Variants in SCYL2 observed in about 807,000 individuals in gnomAD.
SCYL2 encodes SCY1-like protein 2.
In SCYL2, 36 loss-of-function variants were observed where a neutral mutation model predicts 100.4. The ratio of observed to expected loss-of-function variants is 0.36; its 90% CI spans 0.27 to 0.47. The LOEUF is 0.47. SCYL2 is among the 20% of genes least tolerant of loss of function. SCYL2 has a pLI of 1.00. For missense variants in SCYL2, 902 were observed against 1,083.9 expected (o/e 0.83, Z 2.36); for synonymous variants, 330 against 359.2 (o/e 0.92, Z 0.92).
rs186411139 is a variant in SCYL2, at chr12:100,301,781, C to T, written c.480+3606C>T. Among the ~76,000 whole-genome samples the T allele has an allele frequency of 5.9e-5, 9 of 152,348 alleles. No individual in the cohort carries two copies. In the East Asian group the frequency reaches 1.7e-3, roughly 29 times the overall value. On this transcript the variant is annotated intron_variant, in intron 4 of 17. Transcript: ENST00000360820. ...CTTCCCTGCTATGGCCAAGCTGGTA[C>T]CTAAGGTGCAAGACAAAGTTCCCTT...
intron 11 of SCYL2, among the ~76,000 whole-genome samples, chr12:100,325,093 G>A (rs2096360229): frequency 6.6e-6 from 1 of 152,044 alleles, no homozygotes; most frequent in Non-Finnish European, 1.5e-5. Flanking sequence ...GCTGGATGTG[G>A]TGGCATGGTG....
chr12:100,305,147 A>G (rs1316926855), intron 4 of SCYL2, among the ~76,000 whole-genome samples: 3 of 152,242 alleles, frequency 2.0e-5, no homozygotes, highest in Non-Finnish European at 4.4e-5. Context: ...CTCTGGACTA[A>G]GTGGCCCAAA....
chr12:100,332,572 A>G (rs926792507), intron 13 of SCYL2, among the ~76,000 whole-genome samples: 2 of 152,238 alleles, frequency 1.3e-5, no homozygotes, highest in Non-Finnish European at 2.9e-5. Flanking sequence ...ATCCATTTAT[A>G]TAAAGTACAA....
intron 14 of SCYL2, among the ~76,000 whole-genome samples, chr12:100,334,661 C>G (rs907655521): frequency 2.0e-5 from 3 of 151,822 alleles, no homozygotes; most frequent in Admixed American, 6.6e-5. Context: ...TCTCTCTTCT[C>G]CAGCCCCACA....
chr12:100,290,577 G>A (rs1327385077), intron 2 of SCYL2, among the ~76,000 whole-genome samples: 1 of 152,028 alleles, frequency 6.6e-6, no homozygotes, highest in East Asian at 1.9e-4. Context: ...ATAATTAGAA[G>A]AGAAAAAAAT....
chr12:100,333,790 A>G (rs1170295534), intron 13 of SCYL2: 2 of 154,752 alleles, frequency 1.3e-5, no homozygotes, highest in African/African-American at 4.8e-5. Context: ...GATTATTTCT[A>G]GAAGGCACAA....
intron 10 of SCYL2, among the ~76,000 whole-genome samples, chr12:100,322,614 G>A (rs1473159173): frequency 6.6e-6 from 1 of 151,842 alleles, no homozygotes; most frequent in African/African-American, 2.4e-5. Flanking sequence ...AAAATTAGCT[G>A]GGCATGGGCC....
intron 10 of SCYL2, among the ~76,000 whole-genome samples, chr12:100,318,337 T>TTC (rs1233638516): frequency 6.7e-6 from 1 of 148,744 alleles, no homozygotes; most frequent in African/African-American, 2.5e-5. Flanking sequence ...TTCTTTTTTT[T>TTC]TTTTTTTTTT....
At chr12:100,316,153 C>A (rs1373536740) in intron 9 of SCYL2, among the ~76,000 whole-genome samples, 2 of 152,186 alleles carry the variant, frequency 1.3e-5, no homozygotes, top group African/African-American at 2.4e-5. Flanking sequence ...CCAGTTGTTT[C>A]TCTCCATTTT....
intron 3 of SCYL2, among the ~76,000 whole-genome samples, chr12:100,292,343 A>C (rs1433877245): frequency 6.6e-6 from 1 of 152,148 alleles, no homozygotes; most frequent in Non-Finnish European, 1.5e-5. Context: ...AATCTTAATC[A>C]GATCATTTGG....
chr12:100,299,626 ATTCTTT>A (rs2096325202), intron 4 of SCYL2, among the ~76,000 whole-genome samples: 1 of 151,686 alleles, frequency 6.6e-6, no homozygotes, highest in Non-Finnish European at 1.5e-5. Context: ...TATGGTACCT[ATTCTTT>A]TTCGGTCTGG....
chr12:100,332,987 A>T (rs185829720), intron 13 of SCYL2, among the ~76,000 whole-genome samples: 8 of 152,070 alleles, frequency 5.3e-5, no homozygotes, highest in Admixed American at 5.2e-4. Context: ...AAGTGCTGGG[A>T]CTACAGGTGT....
At chr12:100,323,298 TAGTATGA>T (rs2096358217) in intron 10 of SCYL2, among the ~76,000 whole-genome samples, 1 of 152,194 alleles carries the variant, frequency 6.6e-6, no homozygotes. Context: ...TATTATGACC[TAGTATGA>T]CTTTGAGTAA....
chr12:100,337,544 G>T (rs374991246), intron 17 of SCYL2, 38 bp downstream of exon 17: 181 of 1,587,722 alleles, frequency 1.1e-4, no homozygotes, highest in Non-Finnish European at 1.5e-4. Context: ...TCCAGAATAC[G>T]ACTGTTAAGG....
intron 13 of SCYL2, among the ~76,000 whole-genome samples, chr12:100,331,533 G>A (rs939210128): frequency 2.0e-5 from 3 of 152,092 alleles, no homozygotes; most frequent in Non-Finnish European, 4.4e-5. Context: ...GCTTGAGCCT[G>A]GGAGGTGAAG....
chr12:100,323,565 T>C lies in SCYL2; in HGVS notation c.1436T>C (p.Ile479Thr), dbSNP rs762834760. The change falls in exon 11 of 18, where the codon ATA (isoleucine) becomes ACA (threonine). Residue 479 changes from isoleucine (I) to threonine (T), a missense_variant. Physicochemically the swap from Ile to Thr is moderately conservative, Grantham distance 89. Transcript: ENST00000360820. ...ATCATTCCAACCTTTGCAAATCTTATAGACTACCCATCCATGAAAAACGCT... is the reference window on the plus strand; with the variant it reads ...ATCATTCCAACCTTTGCAAATCTTACAGACTACCCATCCATGAAAAACGCT... Reference protein sequence around the residue: ...LNIIPTFANLIDYPSMKNALI... With the variant: ...LNIIPTFANLTDYPSMKNALI... 1.9e-5 allele frequency: 31 copies of C among 1,605,396 alleles called. No homozygotes were observed. The highest frequency in any genetic ancestry group is 3.3e-4 in the Middle Eastern group (2 of 6,034).
intron 4 of SCYL2, among the ~76,000 whole-genome samples, chr12:100,303,895 A>G (rs1348017658): frequency 6.6e-6 from 1 of 152,176 alleles, no homozygotes; most frequent in African/African-American, 2.4e-5. Flanking sequence ...TCTCAGGGAA[A>G]TGGGAGTTTT....
chr12:100,310,090 C>G (rs1054009749), intron 4 of SCYL2, among the ~76,000 whole-genome samples: 3 of 152,088 alleles, frequency 2.0e-5, no homozygotes, highest in Non-Finnish European at 4.4e-5. Flanking sequence ...CCACCACTTC[C>G]CAGGTTCAAG....
chr12:100,271,392 A>G (rs535652736), intron 1 of SCYL2, among the ~76,000 whole-genome samples: 108 of 152,220 alleles, frequency 7.1e-4, no homozygotes, highest in East Asian at 1.2e-3. Flanking sequence ...GAAGTATTTA[A>G]CCGTATTTCA....
Sources: allele counts gnomAD v4.1 joint callset (sites outside exome capture counted in the v4.1 genomes callset), GRCh38; gene constraint gnomAD v4.1.1; transcripts MANE v1.5; gene names NCBI Gene and HGNC (gene_info 2026-07-23, HGNC 2026-07-21).